TUBGCP3: variants seen among roughly 807,000 people sequenced by gnomAD.
TUBGCP3 encodes tubulin gamma complex component 3.
TUBGCP3 carries 50 observed loss-of-function variants against 123.1 expected under a neutral mutation model. The observed-to-expected ratio is 0.41, with a 90% CI of 0.32 to 0.51. The LOEUF (loss-of-function observed/expected upper bound fraction) is 0.51. Ranked by LOEUF, TUBGCP3 falls within the 20% of genes least tolerant of loss-of-function variation. The probability of loss-of-function intolerance (pLI) is 0.36; values close to 1 mark genes in which losing one functional copy is unlikely to be tolerated. For synonymous variants in TUBGCP3, 405 were observed against 413.9 expected, an observed-to-expected ratio of 0.98 and a Z score of 0.26; for missense variants, 882 against 1,127.0, an observed-to-expected ratio of 0.78 and a Z score of 3.11.
At chr13:112,559,839 A>T (rs1880350324) in intron 3 of TUBGCP3, among the ~76,000 whole-genome samples, 2 of 152,216 alleles carry the variant, frequency 1.3e-5, no homozygotes, top group South Asian at 4.1e-4. Flanking sequence ...ACCTAAAGTC[A>T]AGATGCAGGT....
chr13:112,509,491 T>C (rs1881527472), intron 17 of TUBGCP3, among the ~76,000 whole-genome samples: 1 of 152,240 alleles, frequency 6.6e-6, no homozygotes, highest in Non-Finnish European at 1.5e-5. Context: ...AAGGTTTCTA[T>C]AAGCAAGGTC....
At chr13:112,562,772 T>C (rs1461624693) in intron 3 of TUBGCP3, among the ~76,000 whole-genome samples, 1 of 152,154 alleles carries the variant, frequency 6.6e-6, no homozygotes, top group African/African-American at 2.4e-5. Flanking sequence ...ATACAAAACT[T>C]TTAAAACTGT....
In TUBGCP3 at chr13:112,545,744, C is replaced by T. The variant is rs1878934625; in HGVS notation, c.1290G>A (p.Leu430=). The T allele has an allele frequency of 1.2e-6, 2 of 1,614,040 alleles. No individual in the cohort carries two copies. Among genetic ancestry groups the T allele is most frequent in the South Asian group, 1.1e-5 (1 of 91,088 alleles). Residue 430 remains leucine (L), a synonymous_variant, in exon 11 of 22, where the codon CTG becomes CTA. Transcript: ENST00000261965. This position sits in a 1 kb window ranked among gnomAD's most constrained non-coding sequence, Gnocchi z 4.1. ...GCTCCCCATCATATATCCAGCGGTACAGGAAGCTCAAAACAGGATGAGACA... is the reference window on the plus strand; with the variant it reads ...GCTCCCCATCATATATCCAGCGGTATAGGAAGCTCAAAACAGGATGAGACA... The part of the protein sequence containing the change: ...SLVSHPVLSF[L]YRWIYDGELE...
At chr13:112,566,603 A>G (rs1282909386) in intron 2 of TUBGCP3, among the ~76,000 whole-genome samples, 1 of 152,234 alleles carries the variant, frequency 6.6e-6, no homozygotes, top group Non-Finnish European at 1.5e-5. Flanking sequence ...TGCAATTAAA[A>G]TTTAATATAA....
chr13:112,495,319 C>T lies in TUBGCP3; in HGVS notation c.2448+3726G>A, dbSNP rs572727687. On this transcript the variant is annotated intron_variant, in intron 20 of 21. Transcript: ENST00000261965. ...CAAAATGCCAGCTTTCCTTCCTTCT[C>T]TCTGTACTTCCTCTCAGCTCGTAGC... Among the ~76,000 whole-genome samples the T allele has an allele frequency of 2.0e-4, 31 of 152,338 alleles. No homozygotes were observed. The South Asian group carries it at 6.2e-3, about 31-fold the overall frequency.
chr13:112,569,062 C>A, intron 2 of TUBGCP3, 90 bp downstream of exon 2: 1 of 1,199,400 alleles, frequency 8.3e-7, no homozygotes, highest in South Asian at 1.4e-5. Flanking sequence ...TTGGGAACTA[C>A]ATACACACCT....
chr13:112,568,514 A>C (rs577282138), intron 2 of TUBGCP3, among the ~76,000 whole-genome samples: 8 of 141,828 alleles, frequency 5.6e-5, no homozygotes, highest in Admixed American at 1.4e-4. Flanking sequence ...TGAGACCCAC[A>C]GCCAAATGGA....
intron 20 of TUBGCP3, among the ~76,000 whole-genome samples, chr13:112,497,607 G>A (rs190207140): frequency 2.6e-5 from 4 of 152,290 alleles, no homozygotes; most frequent in East Asian, 1.9e-4. Context: ...GCTGAGAAAC[G>A]CATCGTTAGG....
At position 112,524,300 on chromosome 13, in the gene TUBGCP3, G is replaced by C. The variant is rs1876869452; in HGVS notation, c.1556-1791C>G. ...TTTTTTAGTGGCTGCCTTTTTTTAA[G>C]TGTTTTTGATCCTCAGTTGATTGAA... On this transcript the variant is annotated intron_variant, in intron 13 of 21. Transcript: ENST00000261965. The surrounding 1 kb of genome is among the most constrained non-coding windows in gnomAD (Gnocchi z 4.4). Among the ~76,000 whole-genome samples, 1 of 152,036 alleles carries C rather than the reference G, an allele frequency of 6.6e-6. No homozygotes were observed. The highest frequency in any genetic ancestry group is 2.4e-5 in the African/African-American group (1 of 41,374).
chr13:112,521,554 G>C, intron 14 of TUBGCP3: 1 of 500,236 alleles, frequency 2.0e-6, no homozygotes, highest in Non-Finnish European at 2.6e-6. Context: ...TCTAGTCTGT[G>C]ATACACTGAA....
In TUBGCP3 at chr13:112,518,489, C is replaced by T. The variant is rs1046565568; in HGVS notation, c.1950+486G>A. ...TTTTAATTGCAGACATGTAAAAAGACAGCTTTCCTGGTCAGCCTTTTATAA... is the reference window on the plus strand; with the variant it reads ...TTTTAATTGCAGACATGTAAAAAGATAGCTTTCCTGGTCAGCCTTTTATAA... On this transcript the variant is annotated intron_variant, in intron 16 of 21. Transcript: ENST00000261965. 2.6e-4 allele frequency among the ~76,000 whole-genome samples: 40 copies of T among 152,210 alleles called. 1 individual carries two copies.
intron 8 of TUBGCP3, 89 bp downstream of exon 8, chr13:112,553,968 G>C (rs1414112707): frequency 3.9e-6 from 6 of 1,538,038 alleles, no homozygotes; most frequent in African/African-American, 1.4e-5. Flanking sequence ...AAGAGCCTTA[G>C]AAGGAGCTAT....
chr13:112,534,650 G>A (rs9549535), intron 11 of TUBGCP3, among the ~76,000 whole-genome samples: 2 of 151,874 alleles, frequency 1.3e-5, no homozygotes, highest in African/African-American at 4.8e-5. Flanking sequence ...GCTCGGCGAC[G>A]CCATGGTGAA....
At chr13:112,512,489 T>C (rs1881739637) in intron 17 of TUBGCP3, among the ~76,000 whole-genome samples, 1 of 144,756 alleles carries the variant, frequency 6.9e-6, no homozygotes. Flanking sequence ...ATCCCAGCAC[T>C]GGGGGAGGCC....
intron 6 of TUBGCP3, 86 bp downstream of exon 6, chr13:112,555,966 G>A (rs1879993744): frequency 3.5e-6 from 5 of 1,409,288 alleles, no homozygotes; most frequent in Non-Finnish European, 4.8e-6. Flanking sequence ...GTTTGAGGTG[G>A]GGCTCCTGGG....
chr13:112,548,080 GAAATAA>G (rs755334834), intron 9 of TUBGCP3, 22 bp downstream of exon 9: 11 of 1,499,626 alleles, frequency 7.3e-6, no homozygotes, highest in Admixed American at 3.8e-5. Context: ...AAATCATAAA[GAAATAA>G]AAATAAAAAT....
At chr13:112,498,373 T>A (rs1429476167) in intron 20 of TUBGCP3, among the ~76,000 whole-genome samples, 1 of 152,230 alleles carries the variant, frequency 6.6e-6, no homozygotes, top group African/African-American at 2.4e-5. Context: ...TTATGCTTCA[T>A]ACACACCTTA....
rs553358670 is a variant in TUBGCP3 at position 112,544,257 on chromosome 13, T to G, written c.1335+1442A>C. Among the ~76,000 whole-genome samples, 166 of 151,980 alleles carry G rather than the reference T, an allele frequency of 1.1e-3. 2 individuals carry two copies. In the South Asian group the frequency reaches 0.029, roughly 26 times the overall value. On this transcript the variant is annotated intron_variant, in intron 11 of 21. Transcript: ENST00000261965. The stretch of plus-strand genomic sequence containing the variant: ...TCACAAGGTCAGGAGATCGAGACCA[T>G]CCTGGCTAACACAGTGAAACCCCGT...
rs758583156 is a variant in TUBGCP3 at position 112,558,275 on chromosome 13, C to T, written c.469G>A (p.Val157Met). The change falls in exon 5 of 22, where the codon GTG becomes ATG. Residue 157 changes from valine to methionine, a missense_variant. This residue lies in a region of TUBGCP3 where 713 missense variants were observed against 874.0 expected (regional missense o/e 0.82). Transcript: ENST00000261965. ...ATGCTGCTGATGCCACTGCTGCCCA[C>T]GCTGCCGGAGCTCTGGGCTGACTGG... is the stretch of plus-strand genomic sequence containing the variant. ...SAQSAQSSGS[V>M]GSSGISSIGL... 1.1e-5 allele frequency: 17 copies of T among 1,613,116 alleles called. No homozygotes were observed. Among genetic ancestry groups the T allele is most frequent in the South Asian group, 2.2e-5 (2 of 91,030 alleles).
Sources: gnomAD v4.1 joint callset for allele counts (sites outside exome capture counted in the v4.1 genomes callset) on GRCh38, gnomAD v4.1.1 for gene constraint, gnomAD v4.1.1 regional missense constraint, Gnocchi (gnomAD v3.1) non-coding constraint, MANE v1.5 for transcripts, NCBI Gene and HGNC (gene_info 2026-07-23, HGNC 2026-07-21) for gene names.